The following PCDHGA12 variants were observed in gnomAD, a reference collection of about 807,000 sequenced individuals.
PCDHGA12 encodes protocadherin gamma-A12.
In PCDHGA12, 43 loss-of-function variants were observed where a neutral mutation model predicts 61.1. The observed-to-expected ratio is 0.70, with a 90% CI of 0.55 to 0.91. The LOEUF (loss-of-function observed/expected upper bound fraction) is 0.91. Among genes scored for constraint, PCDHGA12 ranks in the 40% least tolerant of loss-of-function variants. The pLI is 0.00. For missense variants in PCDHGA12, 1,236 were observed against 1,227.7 expected (o/e 1.01, Z -0.10); for synonymous variants, 520 against 542.9 (o/e 0.96, Z 0.59).
At chr5:141,454,993 T>C (rs2098809479) in intron 1 of PCDHGA12, among the ~76,000 whole-genome samples, 1 of 151,290 alleles carries the variant, frequency 6.6e-6, no homozygotes, top group Non-Finnish European at 1.5e-5. Context: ...AAAATATTTT[T>C]AGTAGAGACG....
intron 1 of PCDHGA12, among the ~76,000 whole-genome samples, chr5:141,492,631 A>G (rs1203365582): frequency 6.6e-6 from 1 of 152,184 alleles, no homozygotes; most frequent in Non-Finnish European, 1.5e-5. Flanking sequence ...GCAGGACTCT[A>G]CGATCCTTGG....
At chr5:141,510,824 A>G (rs947400590) in intron 3 of PCDHGA12, 123 bp from the exon 4 acceptor site, 2 of 1,563,416 alleles carry the variant, frequency 1.3e-6, no homozygotes, top group Non-Finnish European at 1.7e-6. Flanking sequence ...CTATATTCCC[A>G]GTGCTCAGCG....
chr5:141,510,854 T>A, intron 3 of PCDHGA12, 93 bp from the exon 4 acceptor site: 1 of 1,602,320 alleles, frequency 6.2e-7, no homozygotes, highest in East Asian at 2.2e-5. Context: ...CCCAGGGTGC[T>A]GTATAGGCAT....
intron 1 of PCDHGA12, chr5:141,441,162 G>T (rs1009205566): frequency 6.6e-6 from 1 of 152,166 alleles, no homozygotes; most frequent in African/African-American, 2.4e-5. Context: ...TCCTAGAGGC[G>T]ATTTTTACTT....
In PCDHGA12 at chr5:141,476,584, C is replaced by A; in HGVS notation, c.2425-18223C>A. ...TGGCTCCGGGGACGCGCTTTCCGCTCGAGAGCGCGCACGATCCCGATGTGG... is the reference window on the plus strand; with the variant it reads ...TGGCTCCGGGGACGCGCTTTCCGCTAGAGAGCGCGCACGATCCCGATGTGG... On this transcript the variant is annotated intron_variant, in intron 1 of 3. Coordinates refer to ENST00000252085, the MANE Select transcript of PCDHGA12 (RefSeq NM_003735.3). This position sits in a 1 kb window ranked among gnomAD's most constrained non-coding sequence, Gnocchi z 7.6. The A allele has an allele frequency of 6.2e-7, 1 of 1,614,216 alleles. No homozygotes were observed. The highest frequency in any genetic ancestry group is 8.5e-7 in the Non-Finnish European group (1 of 1,180,042).
chr5:141,478,358 C>G, intron 1 of PCDHGA12: 1 of 1,613,738 alleles, frequency 6.2e-7, no homozygotes, highest in South Asian at 1.1e-5. Flanking sequence ...GGACGCCGTG[C>G]GGGGAGGCCT....
chr5:141,471,404 TTA>T (rs1320685792), intron 1 of PCDHGA12: 3 of 152,170 alleles, frequency 2.0e-5, no homozygotes, highest in Non-Finnish European at 4.4e-5. Flanking sequence ...GTAGCTAGGC[TTA>T]GTTATGTTTT....
intron 2 of PCDHGA12, among the ~76,000 whole-genome samples, chr5:141,496,078 CCCCACCCACCA>C (rs1204698458): frequency 6.6e-6 from 1 of 152,016 alleles, no homozygotes; most frequent in Non-Finnish European, 1.5e-5. Context: ...ACACACAACC[CCCCACCCACCA>C]CCCACCAACA....
intron 1 of PCDHGA12, among the ~76,000 whole-genome samples, chr5:141,443,781 C>CA (rs1227271563): frequency 8.6e-5 from 13 of 150,636 alleles, no homozygotes; most frequent in South Asian, 2.1e-4. Flanking sequence ...ACCAAAAAGA[C>CA]AAAAAAAATG....
At position 141,511,871 on chromosome 5, in the gene PCDHGA12, A is replaced by T. The variant is rs1306732557; in HGVS notation, c.*698A>T. On this transcript the variant is annotated 3_prime_UTR_variant, in exon 4 of 4. Coordinates refer to ENST00000252085, the MANE Select transcript of PCDHGA12 (RefSeq NM_003735.3). ...TTGTTTTTCATTGTTTGACGTTTCCACTGCATGCCTTGACTTCCCCCACCT... is the reference window on the plus strand; with the variant it reads ...TTGTTTTTCATTGTTTGACGTTTCCTCTGCATGCCTTGACTTCCCCCACCT... 1 of 156,376 alleles carries T rather than the reference A, an allele frequency of 6.4e-6. No homozygotes were observed. The highest frequency in any genetic ancestry group is 1.9e-4 in the East Asian group (1 of 5,268). 9.7% of individuals were successfully genotyped at this position (156,376 alleles called of 1,614,324 possible).
chr5:141,498,306 A>C (rs2099783027), intron 2 of PCDHGA12, among the ~76,000 whole-genome samples: 1 of 151,810 alleles, frequency 6.6e-6, no homozygotes, highest in African/African-American at 2.4e-5. Flanking sequence ...TCTGGGTCAC[A>C]CTGCCTACAC....
In PCDHGA12 at chr5:141,491,129, C is replaced by T; in HGVS notation, c.2425-3678C>T. On this transcript the variant is annotated intron_variant, in intron 1 of 3. Transcript: ENST00000252085. This position sits in a 1 kb window ranked among gnomAD's most constrained non-coding sequence, Gnocchi z 6.9. Reference sequence around the variant, plus strand: ...TCTACACACACTGGTGAGGTGCGCACAGCCCGGGCCTTACTGGAGGATGAC... The same window carrying T: ...TCTACACACACTGGTGAGGTGCGCATAGCCCGGGCCTTACTGGAGGATGAC... 1.2e-6 allele frequency: 2 copies of T among 1,614,172 alleles called. No individual in the cohort carries two copies. The highest frequency in any genetic ancestry group is 1.7e-6 in the Non-Finnish European group (2 of 1,180,012).
rs544291535 is a variant in PCDHGA12 at position 141,433,938 on chromosome 5, C to T, written c.2424+755C>T. 4.6e-5 allele frequency among the ~76,000 whole-genome samples: 7 copies of T among 151,784 alleles called. No homozygotes were observed. The South Asian group carries it at 1.3e-3, about 27-fold the overall frequency. On this transcript the variant is annotated intron_variant, in intron 1 of 3. Coordinates refer to ENST00000252085, the MANE Select transcript of PCDHGA12 (RefSeq NM_003735.3). ...CCTCCAAATGAAGATTTTATAATTCCATTGTTTCTTCTACAGTTGTTAATT... is the reference window on the plus strand; with the variant it reads ...CCTCCAAATGAAGATTTTATAATTCTATTGTTTCTTCTACAGTTGTTAATT...
intron 1 of PCDHGA12, among the ~76,000 whole-genome samples, chr5:141,453,061 T>G (rs1351911724): frequency 6.6e-6 from 1 of 152,102 alleles, no homozygotes; most frequent in Non-Finnish European, 1.5e-5. Context: ...AGTTTTAGAG[T>G]TTTGCCACAC....
rs1375469711 is a variant in PCDHGA12, at chr5:141,512,102, C to A, written c.*929C>A. On this transcript the variant is annotated 3_prime_UTR_variant, in exon 4 of 4. Coordinates refer to ENST00000252085, the MANE Select transcript of PCDHGA12 (RefSeq NM_003735.3). ...GCCATAAACCAATAACTAGGCTGGA[C>A]CCTTCCCACTACATAATAGGGCTCA... The A allele has an allele frequency of 6.5e-6, 1 of 152,688 alleles. No individual in the cohort carries two copies. Among genetic ancestry groups the A allele is most frequent in the Non-Finnish European group, 1.5e-5 (1 of 68,070 alleles). The allele number at this position is 152,688 out of a possible 1,614,324, so 9.5% of individuals were successfully genotyped here. A position where few individuals can be genotyped will look rare whatever the true frequency, so the allele number is the denominator to read the frequency against.
Position 141,489,793 on chromosome 5 carries a change from C to T in PCDHGA12, c.2425-5014C>T, listed in dbSNP as rs749700050. On this transcript the variant is annotated intron_variant, in intron 1 of 3. Transcript: ENST00000252085. The surrounding 1 kb of genome is among the most constrained non-coding windows in gnomAD (Gnocchi z 4.5). ...CCACTTCTCTCTGAATGTGAAGACC[C>T]TAAAAGATGGGAAGCCATTCCCAGA... The T allele has an allele frequency of 6.2e-7, 1 of 1,614,044 alleles. No homozygotes were observed. Among genetic ancestry groups the T allele is most frequent in the Non-Finnish European group, 8.5e-7 (1 of 1,180,010 alleles).
At chr5:141,504,450 T>C (rs931613781) in intron 2 of PCDHGA12, among the ~76,000 whole-genome samples, 1 of 151,918 alleles carries the variant, frequency 6.6e-6, no homozygotes, top group Non-Finnish European at 1.5e-5. Context: ...ACTAGTGCCA[T>C]GTGGGGCAGC....
intron 1 of PCDHGA12, chr5:141,478,342 G>T (rs1489278202): frequency 6.2e-7 from 1 of 1,613,862 alleles, no homozygotes; most frequent in Non-Finnish European, 8.5e-7. Flanking sequence ...GGCCCTCCTT[G>T]CACGCGGACG....
intron 2 of PCDHGA12, among the ~76,000 whole-genome samples, chr5:141,501,290 TACACAC>T (rs55762287): frequency 0.081 from 10,957 of 136,038 alleles, 480 homozygotes; most frequent in African/African-American, 0.13. Context: ...TATTCCCTTA[TACACAC>T]ACACACACAC....
Sources: gnomAD v4.1 joint callset for allele counts (sites outside exome capture counted in the v4.1 genomes callset) on GRCh38, gnomAD v4.1.1 for gene constraint, Gnocchi (gnomAD v3.1) non-coding constraint, MANE v1.5 for transcripts, NCBI Gene and HGNC (gene_info 2026-07-23, HGNC 2026-07-21) for gene names.